The following ATP2B2 variants were observed in gnomAD, a reference collection of about 807,000 sequenced individuals.
ATP2B2 encodes ATPase plasma membrane Ca2+ transporting 2, also known as plasma membrane calcium-transporting ATPase 2.
Under a neutral mutation model 120.0 loss-of-function variants are expected in ATP2B2, and 15 were observed. The ratio of observed to expected loss-of-function variants is 0.12; its 90% CI spans 0.08 to 0.19. The LOEUF (loss-of-function observed/expected upper bound fraction) is 0.19, where lower values mean the gene tolerates loss of function less well. ATP2B2 is among the 10% of genes least tolerant of loss of function. The pLI, the probability that ATP2B2 is intolerant of heterozygous loss-of-function variation, is 1.00. For synonymous variants in ATP2B2, 694 were observed against 700.3 expected, an observed-to-expected ratio of 0.99 and a Z score of 0.14; for missense variants, 1,045 against 1,719.8, an observed-to-expected ratio of 0.61 and a Z score of 6.94.
intron 2 of ATP2B2, among the ~76,000 whole-genome samples, chr3:10,549,318 T>C (rs972775526): frequency 1.7e-4 from 26 of 152,220 alleles, no homozygotes; most frequent in Admixed American, 1.4e-3. Context: ...CCCTGGACTC[T>C]GAGAGCTCCC....
At chr3:10,553,635 C>T (rs1449562720) in intron 2 of ATP2B2, among the ~76,000 whole-genome samples, 4 of 152,062 alleles carry the variant, frequency 2.6e-5, no homozygotes, top group Non-Finnish European at 5.9e-5. Context: ...CAGAGGATTG[C>T]AGAGCTGGGG....
At position 10,402,440 on chromosome 3, in the gene ATP2B2, C is replaced by G. The variant is rs1014570372; in HGVS notation, c.398-92G>C. On this transcript the variant is annotated intron_variant, in intron 3 of 22. Transcript: ENST00000360273. This position sits in a 1 kb window ranked among gnomAD's most constrained non-coding sequence, Gnocchi z 4.9. ...TTTACAGCTCAGCTCTGCAAAGTAA[C>G]AAGTGTTAAGAATCAGATGATAATT... 39 of 1,553,520 alleles carry G rather than the reference C, an allele frequency of 2.5e-5. No homozygotes were observed. Among genetic ancestry groups the G allele is most frequent in the Admixed American group, 1.3e-4 (8 of 59,898 alleles).
At position 10,604,945 on chromosome 3, in the gene ATP2B2, C is replaced by A. The variant is rs529772500; in HGVS notation, c.-415+14972G>T. Among the ~76,000 whole-genome samples, 12 of 152,330 alleles carry A rather than the reference C, an allele frequency of 7.9e-5. 1 individual carries two copies. The South Asian group carries it at 2.3e-3, about 29-fold the overall frequency. ...CAACTGTTCTTGTTCTGAGCTTTAG[C>A]CCCTGCTGATCCCTCCTCCTGGAAT... On this transcript the variant is annotated intron_variant, in intron 2 of 21. Transcript: ENST00000646379.
intron 2 of ATP2B2, among the ~76,000 whole-genome samples, chr3:10,548,818 A>G (rs2067605573): frequency 1.3e-5 from 2 of 152,228 alleles, no homozygotes; most frequent in South Asian, 2.1e-4. Flanking sequence ...AAGAAAGCCA[A>G]TGCTTAGAGT....
At chr3:10,520,757 C>CTTTTTTT (rs5846668) in intron 3 of ATP2B2, among the ~76,000 whole-genome samples, 1 of 145,724 alleles carries the variant, frequency 6.9e-6, no homozygotes. Flanking sequence ...CACCTGGCCT[C>CTTTTTTT]TTTTTTTTTT....
chr3:10,432,294 GGACCT>G (rs1559330867), intron 2 of ATP2B2, among the ~76,000 whole-genome samples: 2 of 152,186 alleles, frequency 1.3e-5, no homozygotes, highest in East Asian at 3.9e-4. Flanking sequence ...CCCAGGGCTG[GGACCT>G]GCCCCTGACT....
At chr3:10,460,808 T>G (rs2064456713) in intron 1 of ATP2B2, among the ~76,000 whole-genome samples, 2 of 152,204 alleles carry the variant, frequency 1.3e-5, no homozygotes, top group Non-Finnish European at 2.9e-5. Context: ...CTGTGCGTGG[T>G]CCTTTCCTTC....
At chr3:10,421,042 T>A (rs1458307947) in intron 2 of ATP2B2, among the ~76,000 whole-genome samples, 2 of 152,180 alleles carry the variant, frequency 1.3e-5, no homozygotes, top group Admixed American at 1.3e-4. Flanking sequence ...AAATGCACAT[T>A]CTCAGGGCCC....
Position 10,376,308 on chromosome 3 carries a change from G to A in ATP2B2, c.1202-664C>T, listed in dbSNP as rs145480444. ...GAAAGTGACATGGGGGACAGGGGTAGGGAGTGGTTACTTTAGCTAGGGTGG... is the reference window on the plus strand; with the variant it reads ...GAAAGTGACATGGGGGACAGGGGTAAGGAGTGGTTACTTTAGCTAGGGTGG... On this transcript the variant is annotated intron_variant, in intron 10 of 22. Coordinates refer to ENST00000360273, the MANE Select transcript of ATP2B2 (RefSeq NM_001001331.4). Among the ~76,000 whole-genome samples, 1,160 of 152,232 alleles carry A rather than the reference G, an allele frequency of 7.6e-3. 11 individuals carry two copies. Among genetic ancestry groups the A allele is most frequent in the Non-Finnish European group, 0.01 (697 of 68,022 alleles).
intron 2 of ATP2B2, among the ~76,000 whole-genome samples, chr3:10,422,807 C>T (rs556488164): frequency 2.8e-4 from 42 of 152,354 alleles, no homozygotes; most frequent in Admixed American, 7.8e-4. Flanking sequence ...AGGCTGTGTT[C>T]CTGTAATTCA....
chr3:10,638,416 T>C (rs2070080920), intron 1 of ATP2B2, among the ~76,000 whole-genome samples: 2 of 152,044 alleles, frequency 1.3e-5, no homozygotes. Flanking sequence ...TGGTATAATA[T>C]TACTTGAAGG....
In ATP2B2 at chr3:10,556,099, C is replaced by T. The variant is rs990099797; in HGVS notation, c.-414-21966G>A. Among the ~76,000 whole-genome samples the T allele has an allele frequency of 3.3e-5, 5 of 152,160 alleles. No homozygotes were observed. In the East Asian group the frequency reaches 9.6e-4, roughly 29 times the overall value. On this transcript the variant is annotated intron_variant, in intron 2 of 21. Transcript: ENST00000646379. ...TTTTTAGTAGAGACGAGGGTTTCAC[C>T]ATGTTGACCAGGCTGGTCTCAAACT...
intron 3 of ATP2B2, among the ~76,000 whole-genome samples, chr3:10,404,818 T>C (rs556282024): frequency 6.6e-6 from 1 of 152,226 alleles, no homozygotes; most frequent in East Asian, 1.9e-4. Flanking sequence ...GGAAACGCAT[T>C]TTCTTGGGGC....
chr3:10,435,448 C>T (rs2063451653), intron 2 of ATP2B2, among the ~76,000 whole-genome samples: 1 of 152,206 alleles, frequency 6.6e-6, no homozygotes, highest in Admixed American at 6.5e-5. Flanking sequence ...CTTAGGATGA[C>T]CACCCTGTCC....
At chr3:10,468,035 G>A (rs1211125412) in intron 1 of ATP2B2, among the ~76,000 whole-genome samples, 1 of 152,190 alleles carries the variant, frequency 6.6e-6, no homozygotes, top group Non-Finnish European at 1.5e-5. Context: ...ACATGACCTC[G>A]ACACTCAATA....
At position 10,328,824 on chromosome 3, in the gene ATP2B2, G is replaced by A. The variant is rs2059906743; in HGVS notation, c.3722C>T (p.Thr1241Met). Residue 1241 changes from threonine (T) to methionine (M), a missense_variant, in exon 23 of 23, where the codon ACG becomes ATG. Around this residue, in one of 11 missense-constraint regions of ATP2B2, gnomAD observed 211 missense variants for 385.1 expected, o/e 0.55. Coordinates refer to ENST00000360273, the MANE Select transcript of ATP2B2 (RefSeq NM_001001331.4). Reference protein sequence around the residue: ...SPGSPIHSLETSL With the variant: ...SPGSPIHSLEMSL ...CGAGAGGGTCCTCAGCTAAAGCGAC[G>A]TCTCCAGGCTGTGGATGGGGCTCCC... The A allele has an allele frequency of 3.7e-6, 6 of 1,608,042 alleles. No individual in the cohort carries two copies. Among genetic ancestry groups the A allele is most frequent in the Non-Finnish European group, 5.1e-6 (6 of 1,175,016 alleles).
At chr3:10,456,090 G>A (rs1322200851) in intron 1 of ATP2B2, among the ~76,000 whole-genome samples, 3 of 152,172 alleles carry the variant, frequency 2.0e-5, no homozygotes, top group African/African-American at 4.8e-5. Flanking sequence ...GGAGAGGAAG[G>A]AGCAATATTT....
At position 10,606,303 on chromosome 3, in the gene ATP2B2, T is replaced by G. The variant is rs530899578; in HGVS notation, c.-415+13614A>C. Among the ~76,000 whole-genome samples, 8 of 152,156 alleles carry G rather than the reference T, an allele frequency of 5.3e-5. No individual in the cohort carries two copies. The East Asian group carries it at 7.7e-4, about 15-fold the overall frequency. The stretch of plus-strand genomic sequence containing the variant: ...TGAGGGTAGTACTGTACCCATATAC[T>G]CCACGGCCAGAGTGTATGTGAGAGG... On this transcript the variant is annotated intron_variant, in intron 2 of 21. Coordinates refer to the ATP2B2 transcript ENST00000646379.
chr3:10,449,585 G>T lies in ATP2B2; in HGVS notation c.-42C>A. The T allele has an allele frequency of 1.2e-6, 2 of 1,609,316 alleles. No homozygotes were observed. Among genetic ancestry groups the T allele is most frequent in the Non-Finnish European group, 1.7e-6 (2 of 1,175,802 alleles). On this transcript the variant is annotated 5_prime_UTR_variant, in exon 2 of 23. Coordinates refer to ENST00000360273, the MANE Select transcript of ATP2B2 (RefSeq NM_001001331.4). ...GCTCGGGCTGGGCCCAAGGGTCAGCGCTGGACAAGAGGCTGCCGGGTGATG... is the reference window on the plus strand; with the variant it reads ...GCTCGGGCTGGGCCCAAGGGTCAGCTCTGGACAAGAGGCTGCCGGGTGATG...
Sources: gnomAD v4.1 joint callset for allele counts (sites outside exome capture counted in the v4.1 genomes callset) on GRCh38, gnomAD v4.1.1 for gene constraint, gnomAD v4.1.1 regional missense constraint, Gnocchi (gnomAD v3.1) non-coding constraint, MANE v1.5 for transcripts, NCBI Gene and HGNC (gene_info 2026-07-23, HGNC 2026-07-21) for gene names.